IRAK3: variants seen among roughly 807,000 people sequenced by gnomAD.
IRAK3 encodes the protein interleukin-1 receptor-associated kinase 3.
IRAK3 carries 57 observed loss-of-function variants against 56.6 expected under a neutral mutation model. The ratio of observed to expected loss-of-function variants is 1.01; its 90% CI spans 0.81 to 1.26. The LOEUF (loss-of-function observed/expected upper bound fraction) is 1.26, where lower values mean the gene tolerates loss of function less well. IRAK3 is among the 50% of genes most tolerant of loss of function. IRAK3 has a pLI of 0.00. For synonymous variants in IRAK3, 258 were observed against 255.7 expected (o/e 1.01, Z -0.09); for missense variants, 703 against 719.0 (o/e 0.98, Z 0.25).
intron 1 of IRAK3, among the ~76,000 whole-genome samples, chr12:66,190,008 A>T (rs1385551331): frequency 2.6e-5 from 4 of 152,230 alleles, no homozygotes; most frequent in Admixed American, 6.5e-5. Context: ...AATCTAAAAA[A>T]ATTGGCTTCA....
intron 8 of IRAK3, among the ~76,000 whole-genome samples, chr12:66,240,610 G>A (rs2052957799): frequency 6.6e-6 from 1 of 151,938 alleles, no homozygotes; most frequent in Non-Finnish European, 1.5e-5. Context: ...TCTCAGTGTT[G>A]CAACAGCCGT....
chr12:66,235,101 A>G, intron 8 of IRAK3: 3 of 1,613,236 alleles, frequency 1.9e-6, no homozygotes, highest in Non-Finnish European at 2.5e-6. Flanking sequence ...CCTCGGATAT[A>G]GAGGTTCGTT....
rs2053130369 is a variant in IRAK3 at position 66,254,161 on chromosome 12, T to C, written c.*5990T>C. ...ATGAAAACCTAAATGTTGATACACC[T>C]TTACCCAGCAGTTTGTTTAGGAATT... is the stretch of plus-strand genomic sequence containing the variant. On this transcript the variant is annotated 3_prime_UTR_variant, in exon 12 of 12. Transcript: ENST00000261233. 1 of 152,140 alleles carries C rather than the reference T, an allele frequency of 6.6e-6. No homozygotes were observed. The highest frequency in any genetic ancestry group is 2.1e-4 in the South Asian group (1 of 4,832). The allele number at this position is 152,140 out of a possible 1,614,324, so 9.4% of individuals were successfully genotyped here. A position where few individuals can be genotyped will look rare whatever the true frequency, so the allele number is the denominator to read the frequency against.
rs140156327 is a variant in IRAK3, at chr12:66,226,272, G to A, written c.654-451G>A. 3.7e-4 allele frequency among the ~76,000 whole-genome samples: 55 copies of A among 149,914 alleles called. No homozygotes were observed. In the South Asian group the frequency reaches 5.2e-3, roughly 14 times the overall value. On this transcript the variant is annotated intron_variant, in intron 6 of 11. Transcript: ENST00000261233. ...TTTTTCTTTTTTGAGGTGGAGTCTCGCTCTTGTCGCACAGGCTGGAGGGTA... is the reference window on the plus strand; with the variant it reads ...TTTTTCTTTTTTGAGGTGGAGTCTCACTCTTGTCGCACAGGCTGGAGGGTA...
intron 8 of IRAK3, among the ~76,000 whole-genome samples, chr12:66,238,177 T>G (rs954822005): frequency 6.6e-6 from 1 of 152,054 alleles, no homozygotes; most frequent in African/African-American, 2.4e-5. Context: ...GGGAACAGAA[T>G]GGGGAGAGGC....
At chr12:66,200,691 TG>T (rs575228874) in intron 1 of IRAK3, among the ~76,000 whole-genome samples, 11 of 152,070 alleles carry the variant, frequency 7.2e-5, no homozygotes, top group African/African-American at 2.7e-4. Context: ...AAATTGGGCA[TG>T]GGGGGGATGC....
rs1044415524 is a variant in IRAK3, at chr12:66,251,228, G to A, written c.*3057G>A. The A allele has an allele frequency of 2.6e-5, 4 of 152,214 alleles. No homozygotes were observed. The highest frequency in any genetic ancestry group is 5.9e-5 in the Non-Finnish European group (4 of 68,038). 9.4% of individuals were successfully genotyped at this position (152,214 alleles called of 1,614,324 possible). On this transcript the variant is annotated 3_prime_UTR_variant, in exon 12 of 12. Coordinates refer to ENST00000261233, the MANE Select transcript of IRAK3 (RefSeq NM_007199.3). ...AACGTTGTGGTAAGCAGATGCCACT[G>A]TGGCTGGGAAGTACCAAATCTTCTG... is the stretch of plus-strand genomic sequence containing the variant.
At chr12:66,200,103 A>C (rs1328921206) in intron 1 of IRAK3, among the ~76,000 whole-genome samples, 1 of 152,192 alleles carries the variant, frequency 6.6e-6, no homozygotes, top group Non-Finnish European at 1.5e-5. Flanking sequence ...GAATGTCTCA[A>C]CTTTATCTTC....
chr12:66,205,130 C>A (rs2052546819), intron 2 of IRAK3, among the ~76,000 whole-genome samples: 1 of 152,180 alleles, frequency 6.6e-6, no homozygotes, highest in Non-Finnish European at 1.5e-5. Flanking sequence ...GTTCACAATA[C>A]AAACTTACGC....
At position 66,248,185 on chromosome 12, in the gene IRAK3, A is replaced by T. The variant is rs2053057364; in HGVS notation, c.*14A>T. The T allele has an allele frequency of 6.2e-7, 1 of 1,602,352 alleles. No homozygotes were observed. Among genetic ancestry groups the T allele is most frequent in the Non-Finnish European group, 8.5e-7 (1 of 1,169,702 alleles). On this transcript the variant is annotated 3_prime_UTR_variant, in exon 12 of 12. Coordinates refer to ENST00000261233, the MANE Select transcript of IRAK3 (RefSeq NM_007199.3). ...AAAAAAGAATAAATTCTACCAGAAGATAAAGAAAAAAGCAAGTATTGCATA... is the reference window on the plus strand; with the variant it reads ...AAAAAAGAATAAATTCTACCAGAAGTTAAAGAAAAAAGCAAGTATTGCATA...
In IRAK3 at chr12:66,253,574, A is replaced by G. The variant is rs557088552; in HGVS notation, c.*5403A>G. The G allele has an allele frequency of 6.6e-6, 1 of 152,356 alleles. No homozygotes were observed. The highest frequency in any genetic ancestry group is 2.4e-5 in the African/African-American group (1 of 41,580). The allele number at this position is 152,356 out of a possible 1,614,324, so 9.4% of individuals were successfully genotyped here. On this transcript the variant is annotated 3_prime_UTR_variant, in exon 12 of 12. Transcript: ENST00000261233. ...ACTCATTATGGATGTCATCTGCATC[A>G]TTGCAAACTTTTCTGGTCGTCTCTA...
intron 8 of IRAK3, 141 bp from the exon 9 acceptor site, chr12:66,244,345 A>G (rs1477518952): frequency 9.1e-6 from 6 of 661,514 alleles, no homozygotes; most frequent in African/African-American, 1.8e-5. Context: ...AATGTTCTCC[A>G]GTTCATGGAA....
At chr12:66,215,782 A>T (rs2052664953) in intron 5 of IRAK3, among the ~76,000 whole-genome samples, 1 of 28,430 alleles carries the variant, frequency 3.5e-5, no homozygotes, top group African/African-American at 1.1e-4. Context: ...TTTTAACCCA[A>T]CATGCACACA....
At position 66,203,794 on chromosome 12, in the gene IRAK3, C is replaced by A; in HGVS notation, c.217C>A (p.Leu73Ile). 6.2e-7 allele frequency: 1 copy of A among 1,613,830 alleles called. No homozygotes were observed. Among genetic ancestry groups the A allele is most frequent in the Non-Finnish European group, 8.5e-7 (1 of 1,179,772 alleles). ...DQGKSGTREL[L>I]WSWAQKNKTI... ...AGGTAAAAGTGGAACAAGAGAATTACTTTGGTCCTGGGCACAGAAAAACAA... is the reference window on the plus strand; with the variant it reads ...AGGTAAAAGTGGAACAAGAGAATTAATTTGGTCCTGGGCACAGAAAAACAA... The change falls in exon 2 of 12, where the codon CTT (leucine) becomes ATT (isoleucine). Residue 73 changes from leucine (L) to isoleucine (I), a missense_variant. Transcript: ENST00000261233.
chr12:66,197,054 CT>C (rs1265901666), intron 1 of IRAK3: 3 of 1,463,576 alleles, frequency 2.0e-6, no homozygotes, highest in Non-Finnish European at 2.7e-6. Flanking sequence ...ACAGTCAGTC[CT>C]GCACTCTCAA....
intron 5 of IRAK3, among the ~76,000 whole-genome samples, chr12:66,216,946 A>C (rs1055738774): frequency 2.0e-5 from 3 of 152,234 alleles, no homozygotes; most frequent in Non-Finnish European, 4.4e-5. Flanking sequence ...ATGGCGATAC[A>C]CTGCATGAAA....
rs2053110042 is a variant in IRAK3 at position 66,252,468 on chromosome 12, C to T, written c.*4297C>T. The T allele has an allele frequency of 2.6e-5, 4 of 152,240 alleles. No individual in the cohort carries two copies. The highest frequency in any genetic ancestry group is 9.7e-5 in the African/African-American group (4 of 41,440). 9.4% of individuals were successfully genotyped at this position (152,240 alleles called of 1,614,324 possible). A position where few individuals can be genotyped will look rare whatever the true frequency, so the allele number is the denominator to read the frequency against. ...CCATGTCTCCTGCCTTTATCACTATCCTACTCCTCTGCTACAACTTCTCTG... is the reference window on the plus strand; with the variant it reads ...CCATGTCTCCTGCCTTTATCACTATTCTACTCCTCTGCTACAACTTCTCTG... On this transcript the variant is annotated 3_prime_UTR_variant, in exon 12 of 12. Transcript: ENST00000261233.
At chr12:66,196,762 T>C (rs1302467944) in intron 1 of IRAK3, 3 of 1,063,284 alleles carry the variant, frequency 2.8e-6, no homozygotes, top group African/African-American at 1.6e-5. Flanking sequence ...ATTTTGACTT[T>C]TGTTTTACTC....
At chr12:66,217,092 G>T in intron 5 of IRAK3, 79 bp from the exon 6 acceptor site, 2 of 982,894 alleles carry the variant, frequency 2.0e-6, no homozygotes, top group East Asian at 4.8e-5. Context: ...TCTAATTTAG[G>T]GAGACTATAG....
Sources: allele counts gnomAD v4.1 joint callset (sites outside exome capture counted in the v4.1 genomes callset), GRCh38; gene constraint gnomAD v4.1.1; transcripts MANE v1.5; gene names NCBI Gene and HGNC (gene_info 2026-07-23, HGNC 2026-07-21).